Variants in EPPIN observed in about 807,000 individuals in gnomAD.
The protein encoded by EPPIN is epididymal peptidase inhibitor.
A neutral mutation model predicts 18.8 loss-of-function variants in EPPIN; 14 were observed. That is an observed-to-expected ratio of 0.75 (90% CI 0.49 to 1.17). The LOEUF (loss-of-function observed/expected upper bound fraction) is 1.17, where lower values mean the gene tolerates loss of function less well. EPPIN is among the 50% of genes most tolerant of loss of function. EPPIN has a pLI of 0.00. For missense variants in EPPIN, 143 were observed against 154.2 expected, an observed-to-expected ratio of 0.93 and a Z score of 0.39; for synonymous variants, 57 against 54.8, an observed-to-expected ratio of 1.04 and a Z score of -0.18.
Position 45,542,863 on chromosome 20 carries a change from T to G in EPPIN, c.228A>C (p.Val76=). The G allele has an allele frequency of 1.2e-6, 2 of 1,612,802 alleles. No homozygotes were observed. Among genetic ancestry groups the G allele is most frequent in the Non-Finnish European group, 1.7e-6 (2 of 1,179,350 alleles). Residue 76 remains valine (V), a synonymous_variant, in exon 3 of 4, where the codon GTA becomes GTC. Transcript: ENST00000354280. The stretch of plus-strand genomic sequence containing the variant: ...GGCCAGTTTCTTTTGGCATTTCGCA[T>G]ACATCTGCAGAGAGACTCCAGAGTT... The part of the protein sequence containing the change: ...GKKCLDLKQD[V]CEMPKETGPC...
Position 45,541,286 on chromosome 20 carries a change from G to C in EPPIN, c.*858C>G, listed in dbSNP as rs1979578084. 2 of 152,118 alleles carry C rather than the reference G, an allele frequency of 1.3e-5. No individual in the cohort carries two copies. Among genetic ancestry groups the C allele is most frequent in the Admixed American group, 1.3e-4 (2 of 15,268 alleles). 9.4% of individuals were successfully genotyped at this position (152,118 alleles called of 1,614,324 possible). On this transcript the variant is annotated 3_prime_UTR_variant, in exon 4 of 4. Transcript: ENST00000354280. ...AGGATAAATAGCTAATGCATGCGGG[G>C]CTTAATACCCAGGTAATGGGTTGAT...
intron 2 of EPPIN, chr20:45,544,053 CTG>C (rs1370654132): frequency 1.3e-5 from 2 of 152,232 alleles, no homozygotes; most frequent in African/African-American, 4.8e-5. Flanking sequence ...ATCCCTGAGG[CTG>C]TGAGTTTCTA....
Position 45,542,795 on chromosome 20 carries a change from T to C in EPPIN, c.296A>G (p.Asp99Gly). 1 of 1,614,030 alleles carries C rather than the reference T, an allele frequency of 6.2e-7. No individual in the cohort carries two copies. The highest frequency in any genetic ancestry group is 8.5e-7 in the Non-Finnish European group (1 of 1,179,900). ...ATAGACAAACATGGAGCAAGTATTA[T>C]CTTTCTTGTCATACCACCAATGAAG... ...YFLHWWYDKK[D>G]NTCSMFVYGG... The change falls in exon 3 of 4, where the codon GAT (aspartate) becomes GGT (glycine). Residue 99 changes from aspartate (D) to glycine (G), a missense_variant. Physicochemically the swap from Asp to Gly is moderately conservative, Grantham distance 94. Coordinates refer to ENST00000354280, the MANE Select transcript of EPPIN (RefSeq NM_020398.4).
chr20:45,542,343 C>G (rs749071355), intron 3 of EPPIN, 189 bp from the exon 4 acceptor site: 1 of 756,862 alleles, frequency 1.3e-6, no homozygotes, highest in Non-Finnish European at 2.1e-6. Flanking sequence ...TGTGTTGAGA[C>G]ATTGATGGCT....
intron 1 of EPPIN, 189 bp from the exon 2 acceptor site, chr20:45,545,959 C>A (rs1979812942): frequency 5.2e-6 from 4 of 763,896 alleles, no homozygotes; most frequent in Non-Finnish European, 6.1e-6. Flanking sequence ...CCCCAGTGAC[C>A]TCTCCTCCCT....
In EPPIN at chr20:45,542,028, A is replaced by C; in HGVS notation, c.*116T>G. ...GCGTTCTGTTCTGGGAAGGGCTAAG[A>C]TCTTGGAATGCTGAGAGTGAAACTG... On this transcript the variant is annotated 3_prime_UTR_variant, in exon 4 of 4. Coordinates refer to ENST00000354280, the MANE Select transcript of EPPIN (RefSeq NM_020398.4). The C allele has an allele frequency of 7.3e-7, 1 of 1,376,140 alleles. No individual in the cohort carries two copies. Among genetic ancestry groups the C allele is most frequent in the Non-Finnish European group, 1.0e-6 (1 of 993,412 alleles). 85.2% of individuals were successfully genotyped at this position (1,376,140 alleles called of 1,614,324 possible).
chr20:45,545,569 C>G (rs1195909075), intron 2 of EPPIN, 70 bp downstream of exon 2: 3 of 1,606,360 alleles, frequency 1.9e-6, no homozygotes. Context: ...GGGCACAAAG[C>G]CAGTCCAGGA....
chr20:45,542,317 A>T (rs1979628859), intron 3 of EPPIN, 163 bp from the exon 4 acceptor site: 1 of 892,966 alleles, frequency 1.1e-6, no homozygotes, highest in Admixed American at 2.7e-5. Flanking sequence ...ATAGGAGTGA[A>T]TCGCTGCCAA....
rs1979613172 is a variant in EPPIN at position 45,542,061 on chromosome 20, G to GT, written c.*82dup. On this transcript the variant is annotated 3_prime_UTR_variant, in exon 4 of 4. Coordinates refer to ENST00000354280, the MANE Select transcript of EPPIN (RefSeq NM_020398.4). The stretch of plus-strand genomic sequence containing the variant: ...ATGCTGAGAGTGAAACTGGAAGCCA[G>GT]TCTGGAGCATCCGTCAGGTACAGGA... The GT allele has an allele frequency of 1.9e-6, 3 of 1,569,276 alleles. No individual in the cohort carries two copies. The African/African-American group carries it at 4.1e-5, about 21-fold the overall frequency.
chr20:45,545,967 C>A, intron 1 of EPPIN, 197 bp from the exon 2 acceptor site: 4 of 716,734 alleles, frequency 5.6e-6, no homozygotes, highest in Non-Finnish European at 8.9e-6. Context: ...ACCTCTCCTC[C>A]CTCTATTCCC....
chr20:45,542,786 C>A lies in EPPIN; in HGVS notation c.305G>T (p.Cys102Phe), dbSNP rs560216407. The change falls in exon 3 of 4, where the codon TGC (cysteine) becomes TTC (phenylalanine). Residue 102 changes from cysteine (C) to phenylalanine (F), a missense_variant. By Grantham distance (205) the Cys-to-Phe change is radical. Transcript: ENST00000354280. ...GCAGCCACCATAGACAAACATGGAG[C>A]AAGTATTATCTTTCTTGTCATACCA... ...HWWYDKKDNT[C>F]SMFVYGGCQG... is the part of the protein sequence containing the mutation. 192 of 1,613,972 alleles carry A rather than the reference C, an allele frequency of 1.2e-4. 2 individuals carry two copies. In the South Asian group the frequency reaches 2.0e-3, roughly 17 times the overall value.
chr20:45,546,602 T>G (rs961873236), intron 1 of EPPIN, among the ~76,000 whole-genome samples: 2 of 152,202 alleles, frequency 1.3e-5, no homozygotes, highest in Non-Finnish European at 2.9e-5. Flanking sequence ...ATGCGGAAAC[T>G]GAGACCCATG....
intron 3 of EPPIN, 153 bp downstream of exon 3, chr20:45,542,547 T>G: frequency 8.5e-7 from 1 of 1,182,650 alleles, no homozygotes; most frequent in Non-Finnish European, 1.2e-6. Context: ...TTGTCTTGCC[T>G]TTTGCCAGGT....
At chr20:45,544,460 G>T (rs1425893716) in intron 2 of EPPIN, 4 of 152,124 alleles carry the variant, frequency 2.6e-5, no homozygotes, top group Admixed American at 1.3e-4. Flanking sequence ...AGACAAAAAG[G>T]CTCGTAAAAA....
rs1025299541 is a variant in EPPIN at position 45,543,101 on chromosome 20, G to C, written c.224-234C>G. ...TGCAGGTGTAATTAGCTAAAATGAG[G>C]TCAGACCAAAATAGGGTGGGCCCCT... On this transcript the variant is annotated intron_variant, in intron 2 of 3. Transcript: ENST00000354280. 3 of 581,062 alleles carry C rather than the reference G, an allele frequency of 5.2e-6. No homozygotes were observed. In the Admixed American group the frequency reaches 1.1e-4, roughly 22 times the overall value. 36.0% of individuals were successfully genotyped at this position (581,062 alleles called of 1,614,324 possible). A position where few individuals can be genotyped will look rare whatever the true frequency, so the allele number is the denominator to read the frequency against.
chr20:45,547,160 C>A, intron 1 of EPPIN, 107 bp downstream of exon 1: 1 of 1,497,778 alleles, frequency 6.7e-7, no homozygotes, highest in South Asian at 1.3e-5. Context: ...AACCCGGGAC[C>A]TGGGCTAAGA....
At chr20:45,542,276 G>A in intron 3 of EPPIN, 122 bp from the exon 4 acceptor site, 1 of 1,324,518 alleles carries the variant, frequency 7.5e-7, no homozygotes, top group Non-Finnish European at 1.0e-6. Context: ...TTTGCTTTGG[G>A]GAGCTCTCCA....
At position 45,545,766 on chromosome 20, in the gene EPPIN, T is replaced by A; in HGVS notation, c.96A>T (p.Arg32Ser). The A allele has an allele frequency of 6.2e-7, 1 of 1,613,954 alleles. No homozygotes were observed. The highest frequency in any genetic ancestry group is 1.7e-5 in the Admixed American group (1 of 59,992). The change falls in exon 2 of 4, where the codon AGA (arginine) becomes AGT (serine). Residue 32 changes from arginine to serine, a missense_variant. Arg to Ser is a moderately radical substitution (Grantham distance 110). Coordinates refer to ENST00000354280, the MANE Select transcript of EPPIN (RefSeq NM_020398.4). ...PGLTDWLFPR[R>S]CPKIREECEF... ...CACATTCTTCTCTGATTTTGGGACA[T>A]CTCCCTAGGGAAAGAGCGGTTTTAC...
At chr20:45,543,151 T>TA (rs1182333734) in intron 2 of EPPIN, 1 of 323,918 alleles carries the variant, frequency 3.1e-6, no homozygotes, top group Non-Finnish European at 5.5e-6. Flanking sequence ...GGTGTCCTTA[T>TA]ACAAACAGGT....
Sources: gnomAD v4.1 joint callset for allele counts (sites outside exome capture counted in the v4.1 genomes callset) on GRCh38, gnomAD v4.1.1 for gene constraint, MANE v1.5 for transcripts, NCBI Gene and HGNC (gene_info 2026-07-23, HGNC 2026-07-21) for gene names.